The following DMD variants were observed in gnomAD, a reference collection of about 807,000 sequenced individuals.
DMD encodes the protein mutant dystrophin.
Under a neutral mutation model 330.1 loss-of-function variants are expected in DMD, and 63 were observed. The ratio of observed to expected loss-of-function variants is 0.19; its 90% confidence interval spans 0.16 to 0.24. DMD has a LOEUF of 0.24. DMD is among the 10% of genes least tolerant of loss of function. DMD has a pLI of 1.00. For synonymous variants in DMD, 1,223 were observed against 959.8 expected (o/e 1.27, Z -5.07); for missense variants, 3,344 against 2,684.1 (o/e 1.25, Z -5.43).
chrX:31,214,930 C>CTT lies in DMD; in HGVS notation c.9362-5233_9362-5232dup, dbSNP rs1302015325. Among the ~76,000 whole-genome samples the CTT allele has an allele frequency of 5.1e-3, 237 of 46,084 alleles. 8 individuals are homozygous for CTT. Among genetic ancestry groups the CTT allele is most frequent in the African/African-American group, 0.017 (202 of 12,081 alleles). 40.0% of individuals were successfully genotyped at this position (46,084 alleles called of 115,157 possible). ...AACCACCAAAGATACTTTTTTATTT[C>CTT]TTTTTTCTTTTTTTTTTTTTTTTTT... On this transcript the variant is annotated intron_variant, in intron 64 of 78. Coordinates refer to ENST00000357033, the MANE Select transcript of DMD (RefSeq NM_004006.3).
intron 60 of DMD, among the ~76,000 whole-genome samples, chrX:31,366,810 AT>A (rs1181449502): frequency 9.3e-6 from 1 of 107,427 alleles, no homozygotes; most frequent in African/African-American, 3.4e-5. Flanking sequence ...ATTTTAGTCT[AT>A]TTCTGTCTGT....
chrX:32,498,256 G>T (rs1345715174), intron 19 of DMD, among the ~76,000 whole-genome samples: 1 of 111,204 alleles, frequency 9.0e-6, no homozygotes, highest in Non-Finnish European at 1.9e-5. Flanking sequence ...GAGGTACTTT[G>T]CACCATCCAA....
chrX:31,449,763 G>GAGAT (rs1491251038), intron 59 of DMD, among the ~76,000 whole-genome samples: 26 of 62,460 alleles, frequency 4.2e-4, no homozygotes, highest in African/African-American at 1.4e-3. Context: ...TAAATGGTGT[G>GAGAT]ATATATATAT....
intron 1 of DMD, among the ~76,000 whole-genome samples, chrX:33,162,315 C>T (rs889586993): frequency 3.6e-5 from 4 of 111,635 alleles, no homozygotes; most frequent in Non-Finnish European, 3.8e-5. Context: ...TGGTTAGGGA[C>T]GTTGACTGCC....
At chrX:32,256,543 A>C (rs2097299850) in intron 43 of DMD, among the ~76,000 whole-genome samples, 2 of 110,119 alleles carry the variant, frequency 1.8e-5, no homozygotes, top group South Asian at 7.8e-4. Context: ...TGTGAATGTG[A>C]TCCTGTAATT....
intron 67 of DMD, among the ~76,000 whole-genome samples, chrX:31,196,036 A>G (rs149712621): frequency 0.012 from 1,310 of 112,069 alleles, 16 homozygotes; most frequent in African/African-American, 0.04. Flanking sequence ...GAAAACATCC[A>G]TTACTCCAAT....
chrX:31,821,552 G>A (rs998630553), intron 49 of DMD, among the ~76,000 whole-genome samples: 4 of 111,910 alleles, frequency 3.6e-5, no homozygotes, highest in Non-Finnish European at 7.5e-5. Context: ...CAGGACCTAG[G>A]TTTCTGCAAT....
intron 12 of DMD, among the ~76,000 whole-genome samples, chrX:32,602,231 C>G (rs808525): frequency 0.2 from 22,619 of 111,197 alleles, 1,791 homozygotes; most frequent in South Asian, 0.44. Context: ...AGACATATGT[C>G]ATGGAGTGAG....
At chrX:32,719,816 A>G (rs2066088640) in intron 7 of DMD, among the ~76,000 whole-genome samples, 1 of 110,377 alleles carries the variant, frequency 9.1e-6, no homozygotes, top group South Asian at 3.8e-4. Flanking sequence ...ATTTCCCAGA[A>G]TACCTCAAGA....
chrX:31,472,455 T>C (rs745457324), intron 59 of DMD, among the ~76,000 whole-genome samples: 41 of 112,469 alleles, frequency 3.6e-4, no homozygotes, highest in Non-Finnish European at 7.3e-4. Context: ...TAAGGGAAGA[T>C]AGTTGCATGA....
chrX:32,619,264 C>A (rs2057812183), intron 11 of DMD, among the ~76,000 whole-genome samples: 1 of 111,139 alleles, frequency 9.0e-6, no homozygotes, highest in Non-Finnish European at 1.9e-5. Flanking sequence ...AAGAGCTGAT[C>A]CCACAGAAGT....
intron 17 of DMD, among the ~76,000 whole-genome samples, chrX:32,543,809 C>T (rs935608474): frequency 2.7e-5 from 3 of 111,290 alleles, no homozygotes; most frequent in African/African-American, 9.8e-5. Context: ...GGTCGCCAAA[C>T]TTTTTCTGTG....
intron 30 of DMD, among the ~76,000 whole-genome samples, chrX:32,401,769 T>C (rs2098087588): frequency 8.9e-6 from 1 of 112,802 alleles, no homozygotes; most frequent in Non-Finnish European, 1.9e-5. Context: ...AGACACCCCA[T>C]TTACCCTGAT....
At chrX:32,142,639 CTTAG>C (rs1329267351) in intron 44 of DMD, among the ~76,000 whole-genome samples, 2 of 112,337 alleles carry the variant, frequency 1.8e-5, no homozygotes, top group Non-Finnish European at 3.8e-5. Context: ...AGTCTTTGAA[CTTAG>C]TTAGATATGG....
At chrX:32,439,258 T>G (rs1285443137) in intron 28 of DMD, among the ~76,000 whole-genome samples, 1 of 111,848 alleles carries the variant, frequency 8.9e-6, no homozygotes, top group Non-Finnish European at 1.9e-5. Context: ...TAATTTTTCC[T>G]GTTTATGTAT....
At chrX:31,920,861 T>G (rs1198052574) in intron 47 of DMD, among the ~76,000 whole-genome samples, 1 of 112,543 alleles carries the variant, frequency 8.9e-6, no homozygotes, top group Admixed American at 9.4e-5. Flanking sequence ...ATATACATTT[T>G]CAGTATGTAG....
chrX:32,308,826 TG>T (rs1219442334), intron 42 of DMD, among the ~76,000 whole-genome samples: 1 of 110,530 alleles, frequency 9.0e-6, no homozygotes, highest in African/African-American at 3.3e-5. Flanking sequence ...TCCATGAACC[TG>T]GGAAGGAATG....
At chrX:32,052,541 A>G (rs1297445940) in intron 44 of DMD, among the ~76,000 whole-genome samples, 1 of 111,380 alleles carries the variant, frequency 9.0e-6, no homozygotes, top group Non-Finnish European at 1.9e-5. Context: ...AATAAAAGAA[A>G]AGGACCACGA....
chrX:32,146,342 G>A (rs2096778314), intron 44 of DMD, among the ~76,000 whole-genome samples: 1 of 111,683 alleles, frequency 9.0e-6, no homozygotes, highest in Non-Finnish European at 1.9e-5. Flanking sequence ...CAGAGACAGG[G>A]AGAGGGAGAG....
Sources: gnomAD v4.1 joint callset for allele counts (sites outside exome capture counted in the v4.1 genomes callset) on GRCh38, gnomAD v4.1.1 for gene constraint, MANE v1.5 for transcripts, NCBI Gene and HGNC (gene_info 2026-07-23, HGNC 2026-07-21) for gene names.